The following TOPAZ1 variants were observed in gnomAD, a reference collection of about 807,000 sequenced individuals.
The protein encoded by TOPAZ1 is protein TOPAZ1.
In TOPAZ1, 66 loss-of-function variants were observed where a neutral mutation model predicts 172.2. That is an observed-to-expected ratio of 0.38 (90% confidence interval 0.31 to 0.47). The LOEUF is 0.47. Ranked by LOEUF, TOPAZ1 falls within the 20% of genes least tolerant of loss-of-function variation. TOPAZ1 has a pLI of 0.99. For synonymous variants in TOPAZ1, 681 were observed against 683.9 expected (o/e 1.00, Z 0.07); for missense variants, 1,822 against 1,972.4 (o/e 0.92, Z 1.44).
chr3:44,246,299 A>G (rs1406145860), intron 2 of TOPAZ1, among the ~76,000 whole-genome samples: 1 of 152,126 alleles, frequency 6.6e-6, no homozygotes. Flanking sequence ...ATTTTACTTA[A>G]TTTTATAATT....
chr3:44,257,368 T>G (rs1410390439), intron 4 of TOPAZ1, among the ~76,000 whole-genome samples: 1 of 88,676 alleles, frequency 1.1e-5, no homozygotes, highest in South Asian at 4.0e-4. Flanking sequence ...TGTGTGTGTG[T>G]GTGTGTGTGT....
intron 4 of TOPAZ1, 62 bp from the exon 5 acceptor site, chr3:44,262,357 A>G: frequency 1.2e-6 from 1 of 805,460 alleles, no homozygotes; most frequent in Non-Finnish European, 1.9e-6. Context: ...AGTAAGCCTC[A>G]TAGCTTAGTA....
chr3:44,302,439 C>T (rs575578143), intron 12 of TOPAZ1, among the ~76,000 whole-genome samples: 1 of 152,206 alleles, frequency 6.6e-6, no homozygotes, highest in African/African-American at 2.4e-5. Flanking sequence ...ATAAAATGTC[C>T]ATCTTTACCT....
Position 44,329,128 on chromosome 3 carries a change from T to C in TOPAZ1, c.4859+695T>C, listed in dbSNP as rs150705021. ...TGACAAACCAGATCCTCTGGTTGAA[T>C]ATTACATTAGTTATCTGTTGCTATA... On this transcript the variant is annotated intron_variant, in intron 19 of 19. Transcript: ENST00000309765. Among the ~76,000 whole-genome samples the C allele has an allele frequency of 3.3e-5, 5 of 152,372 alleles. No individual in the cohort carries two copies. The East Asian group carries it at 9.6e-4, about 29-fold the overall frequency.
chr3:44,307,052 C>T (rs1430932897), intron 15 of TOPAZ1, among the ~76,000 whole-genome samples: 3 of 151,958 alleles, frequency 2.0e-5, no homozygotes, highest in Non-Finnish European at 4.4e-5. Flanking sequence ...GATGGAGTTT[C>T]GCTCTTGTTG....
intron 8 of TOPAZ1, among the ~76,000 whole-genome samples, chr3:44,274,235 C>A (rs1456807450): frequency 4.7e-5 from 7 of 148,716 alleles, no homozygotes; most frequent in African/African-American, 1.5e-4. Context: ...CAAAGTGAAA[C>A]CCCATCTCTA....
At chr3:44,303,906 A>C in intron 12 of TOPAZ1, 109 bp from the exon 13 acceptor site, 1 of 575,008 alleles carries the variant, frequency 1.7e-6, no homozygotes, top group Admixed American at 3.9e-5. Context: ...TATTATATAC[A>C]TTCATTTTTT....
chr3:44,279,068 T>G (rs2125689922), intron 8 of TOPAZ1, among the ~76,000 whole-genome samples: 1 of 152,300 alleles, frequency 6.6e-6, no homozygotes, highest in South Asian at 2.1e-4. Flanking sequence ...ATTTTCTTCT[T>G]AATTTCTTTC....
intron 18 of TOPAZ1, among the ~76,000 whole-genome samples, chr3:44,327,128 T>C (rs999943755): frequency 1.3e-5 from 2 of 152,134 alleles, no homozygotes; most frequent in Non-Finnish European, 2.9e-5. Flanking sequence ...GTCTATAACA[T>C]GGAAGTAATT....
downstream of TOPAZ1, among the ~76,000 whole-genome samples, chr3:44,336,190 T>C (rs1700724120): frequency 6.6e-6 from 1 of 152,178 alleles, no homozygotes; most frequent in Non-Finnish European, 1.5e-5. Flanking sequence ...CAGGGGCTCT[T>C]TTGGTGAAGT....
chr3:44,294,989 G>A (rs1700178028), intron 12 of TOPAZ1, among the ~76,000 whole-genome samples: 2 of 152,124 alleles, frequency 1.3e-5, no homozygotes, highest in South Asian at 2.1e-4. Flanking sequence ...TTTAAAGTGG[G>A]TATTGAAATG....
chr3:44,328,654 G>A (rs1243188748), intron 19 of TOPAZ1, among the ~76,000 whole-genome samples: 12 of 152,072 alleles, frequency 7.9e-5, no homozygotes, highest in Middle Eastern at 3.4e-3. Flanking sequence ...AGTAGCATTC[G>A]GTAAACACTT....
chr3:44,255,662 A>AAAT (rs1244611647), intron 3 of TOPAZ1, among the ~76,000 whole-genome samples: 159 of 79,980 alleles, frequency 2.0e-3, no homozygotes, highest in African/African-American at 8.7e-3. Flanking sequence ...AAAAAAAAAA[A>AAAT]ATATATATAC....
At chr3:44,299,911 A>G (rs1700248988) in intron 12 of TOPAZ1, among the ~76,000 whole-genome samples, 1 of 120,990 alleles carries the variant, frequency 8.3e-6, no homozygotes, top group African/African-American at 3.1e-5. Flanking sequence ...ATGAGAACAC[A>G]TGGACACAGG....
intron 19 of TOPAZ1, among the ~76,000 whole-genome samples, chr3:44,329,256 G>T (rs1700637198): frequency 6.6e-6 from 1 of 152,170 alleles, no homozygotes; most frequent in Admixed American, 6.5e-5. Context: ...TCCTGGCTCG[G>T]GAATTTTCAT....
At chr3:44,288,987 C>T (rs7626710) in intron 11 of TOPAZ1, among the ~76,000 whole-genome samples, 27,517 of 152,106 alleles carry the variant, frequency 0.18, 2,742 homozygotes, top group Middle Eastern at 0.3. Context: ...CCTCTTTATT[C>T]TAGCAGTGTA....
intron 3 of TOPAZ1, 96 bp from the exon 4 acceptor site, chr3:44,256,055 A>G (rs1215789826): frequency 2.3e-6 from 2 of 876,308 alleles, no homozygotes; most frequent in African/African-American, 3.5e-5. Context: ...ACCTTAAAAG[A>G]GCCTCTGAAT....
At position 44,258,862 on chromosome 3, in the gene TOPAZ1, C is replaced by T. The variant is rs13320270; in HGVS notation, c.2955+2584C>T. On this transcript the variant is annotated intron_variant, in intron 4 of 19. Transcript: ENST00000309765. ...GTTAACTGCTGAGCTATATAGTAGT[C>T]GCATGTTAGGTTTTGACTTGGGTGA... 8.5e-3 allele frequency among the ~76,000 whole-genome samples: 1,289 copies of T among 152,200 alleles called. 19 individuals carry two copies. Among genetic ancestry groups the T allele is most frequent in the African/African-American group, 0.029 (1,217 of 41,522 alleles).
chr3:44,266,910 A>G (rs1212976910), intron 5 of TOPAZ1, 87 bp from the exon 6 acceptor site: 6 of 1,027,758 alleles, frequency 5.8e-6, no homozygotes, highest in Non-Finnish European at 7.9e-6. Context: ...AAATTTTTTT[A>G]AAAAGAAATA....
Sources: allele counts gnomAD v4.1 joint callset (sites outside exome capture counted in the v4.1 genomes callset), GRCh38; gene constraint gnomAD v4.1.1; transcripts MANE v1.5; gene names NCBI Gene and HGNC (gene_info 2026-07-23, HGNC 2026-07-21).